Variants in RNF220 observed in about 807,000 individuals in gnomAD.
RNF220 encodes the protein ring finger protein 220.
In RNF220, 7 loss-of-function variants were observed where a neutral mutation model predicts 67.1. The ratio of observed to expected loss-of-function variants is 0.10; its 90% CI spans 0.06 to 0.20. RNF220 has a LOEUF of 0.20. RNF220 is among the 10% of genes least tolerant of loss of function. The pLI is 1.00. For synonymous variants in RNF220, 270 were observed against 283.2 expected (o/e 0.95, Z 0.47); for missense variants, 565 against 740.3 (o/e 0.76, Z 2.75).
At chr1:44,533,044 G>A (rs888789349) in intron 2 of RNF220, among the ~76,000 whole-genome samples, 1 of 152,154 alleles carries the variant, frequency 6.6e-6, no homozygotes, top group Admixed American at 6.5e-5. Flanking sequence ...GGAAATAGAT[G>A]GCAATAAAAT....
intron 2 of RNF220, among the ~76,000 whole-genome samples, chr1:44,515,209 C>T (rs1659357267): frequency 6.6e-6 from 1 of 152,074 alleles, no homozygotes; most frequent in East Asian, 1.9e-4. Flanking sequence ...GGTTTCAAGA[C>T]CACTAGGGGA....
chr1:44,646,559 A>G (rs1408520580), intron 12 of RNF220, among the ~76,000 whole-genome samples: 1 of 152,172 alleles, frequency 6.6e-6, no homozygotes, highest in African/African-American at 2.4e-5. Flanking sequence ...CCAGCTGAGC[A>G]GGGCGGGCGG....
chr1:44,450,036 C>G (rs1409438900), intron 2 of RNF220, among the ~76,000 whole-genome samples: 1 of 152,242 alleles, frequency 6.6e-6, no homozygotes, highest in East Asian at 1.9e-4. Flanking sequence ...ACAGAGAGAC[C>G]CTGTCTCTAC....
chr1:44,608,776 G>A (rs1036654371), intron 2 of RNF220, among the ~76,000 whole-genome samples: 2 of 152,182 alleles, frequency 1.3e-5, no homozygotes, highest in African/African-American at 4.8e-5. Context: ...ACTCCATGGG[G>A]GCCAGAGGAG....
intron 2 of RNF220, among the ~76,000 whole-genome samples, chr1:44,604,060 T>C (rs912560874): frequency 1.3e-5 from 2 of 152,226 alleles, no homozygotes; most frequent in African/African-American, 4.8e-5. Context: ...AGTCTTAGCA[T>C]TTTGGCTGCA....
chr1:44,569,412 T>C (rs918882987), intron 2 of RNF220, among the ~76,000 whole-genome samples: 4 of 152,180 alleles, frequency 2.6e-5, no homozygotes, highest in Non-Finnish European at 4.4e-5. Flanking sequence ...TTCATCACAT[T>C]TGTTATAGAG....
At chr1:44,627,302 G>A (rs868662832) in intron 5 of RNF220, among the ~76,000 whole-genome samples, 4 of 125,204 alleles carry the variant, frequency 3.2e-5, no homozygotes, top group Non-Finnish European at 6.2e-5. Flanking sequence ...CTGAGACCAC[G>A]CCATTGTACT....
chr1:44,546,300 GC>G (rs1366102179), intron 2 of RNF220, among the ~76,000 whole-genome samples: 1 of 152,092 alleles, frequency 6.6e-6, no homozygotes, highest in East Asian at 1.9e-4. Context: ...TGGCTCAGTG[GC>G]CCCCCAGGCC....
At chr1:44,582,957 G>GAT (rs1218208501) in intron 2 of RNF220, among the ~76,000 whole-genome samples, 1 of 152,020 alleles carries the variant, frequency 6.6e-6, no homozygotes, top group African/African-American at 2.4e-5. Context: ...AGTGAGTCGA[G>GAT]ATCACGCCAT....
intron 3 of RNF220, among the ~76,000 whole-genome samples, chr1:44,619,869 G>A (rs1164192655): frequency 6.6e-6 from 1 of 152,198 alleles, no homozygotes; most frequent in Non-Finnish European, 1.5e-5. Flanking sequence ...AGGGAAGATA[G>A]GGAGGGGGTC....
At chr1:44,517,080 T>C (rs145309778) in intron 2 of RNF220, among the ~76,000 whole-genome samples, 171 of 152,262 alleles carry the variant, frequency 1.1e-3, no homozygotes, top group Middle Eastern at 3.4e-3. Context: ...CTATCTCAAA[T>C]GCATTCCCTT....
Position 44,621,080 on chromosome 1 carries a change from TA to T in RNF220, c.759-1660del. On this transcript the variant is annotated intron_variant, in intron 3 of 14. Transcript: ENST00000361799. The surrounding 1 kb of genome is among the most constrained non-coding windows in gnomAD (Gnocchi z 4.8). Reference sequence around the variant, plus strand: ...ACAGGCGCCTGCCACCACGCCCAGCTAATTTTTGTATTTTTAGTAGAGACGG... The same window carrying T: ...ACAGGCGCCTGCCACCACGCCCAGCTATTTTTGTATTTTTAGTAGAGACGG... Among the ~76,000 whole-genome samples, 1 of 152,250 alleles carries T rather than the reference TA, an allele frequency of 6.6e-6. No individual in the cohort carries two copies. Among genetic ancestry groups the T allele is most frequent in the African/African-American group, 2.4e-5 (1 of 41,556 alleles).
chr1:44,632,477 T>C (rs955848812), intron 6 of RNF220, 92 bp downstream of exon 6: 3 of 1,224,150 alleles, frequency 2.5e-6, no homozygotes, highest in Non-Finnish European at 3.4e-6. Context: ...CTGGGTCTCT[T>C]CGACTCTGGG....
intron 2 of RNF220, among the ~76,000 whole-genome samples, chr1:44,485,870 G>A (rs1375715163): frequency 6.6e-6 from 1 of 151,890 alleles, no homozygotes; most frequent in Non-Finnish European, 1.5e-5. Context: ...AGCTGTTTGC[G>A]GGATAAAATA....
intron 2 of RNF220, among the ~76,000 whole-genome samples, chr1:44,548,062 T>C (rs1662315283): frequency 6.6e-6 from 1 of 152,172 alleles, no homozygotes; most frequent in African/African-American, 2.4e-5. Flanking sequence ...TAAGCCAGAA[T>C]CCTAGGCATC....
intron 8 of RNF220, among the ~76,000 whole-genome samples, chr1:44,637,710 C>T (rs1644368631): frequency 6.6e-6 from 1 of 152,220 alleles, no homozygotes; most frequent in South Asian, 2.1e-4. Context: ...GTGAGGGGCT[C>T]TTAGGCCCCG....
At chr1:44,430,179 C>G (rs1057036404) in intron 2 of RNF220, among the ~76,000 whole-genome samples, 9 of 151,740 alleles carry the variant, frequency 5.9e-5, no homozygotes, top group East Asian at 1.9e-4. Context: ...TGCTAGTTTC[C>G]CCTGGGAAGT....
At position 44,650,982 on chromosome 1, in the gene RNF220, G is replaced by A. The variant is rs1644774845; in HGVS notation, c.*207G>A. The A allele has an allele frequency of 5.1e-6, 3 of 584,784 alleles. No individual in the cohort carries two copies. The highest frequency in any genetic ancestry group is 3.0e-5 in the East Asian group (1 of 32,952). The allele number at this position is 584,784 out of a possible 1,614,324, so 36.2% of individuals were successfully genotyped here. On this transcript the variant is annotated 3_prime_UTR_variant, in exon 15 of 15. Coordinates refer to ENST00000361799, the MANE Select transcript of RNF220 (RefSeq NM_018150.4). This position sits in a 1 kb window ranked among gnomAD's most constrained non-coding sequence, Gnocchi z 4.3. ...GCTGTGGCCCAGGCACTACCTGCTGGCTCCCACCTATGGTTTGGGGGCCAT... is the reference window on the plus strand; with the variant it reads ...GCTGTGGCCCAGGCACTACCTGCTGACTCCCACCTATGGTTTGGGGGCCAT...
At chr1:44,436,843 G>A (rs773276205) in intron 2 of RNF220, among the ~76,000 whole-genome samples, 2 of 152,098 alleles carry the variant, frequency 1.3e-5, no homozygotes, top group African/African-American at 2.4e-5. Context: ...GCGCCCTCTC[G>A]TCTGTTTACC....
Sources: gnomAD v4.1 joint callset for allele counts (sites outside exome capture counted in the v4.1 genomes callset) on GRCh38, gnomAD v4.1.1 for gene constraint, Gnocchi (gnomAD v3.1) non-coding constraint, MANE v1.5 for transcripts, NCBI Gene and HGNC (gene_info 2026-07-23, HGNC 2026-07-21) for gene names.